Variants in PTPRD observed in about 807,000 individuals in gnomAD.
PTPRD encodes receptor-type tyrosine-protein phosphatase delta.
In PTPRD, 34 loss-of-function variants were observed where a neutral mutation model predicts 214.5. That is an observed-to-expected ratio of 0.16 (90% confidence interval 0.12 to 0.21). The LOEUF is 0.21. Ranked by LOEUF, PTPRD falls within the 10% of genes least tolerant of loss-of-function variation. The pLI is 1.00. For missense variants in PTPRD, 2,545 were observed against 2,398.7 expected, an observed-to-expected ratio of 1.06 and a Z score of -1.27; for synonymous variants, 1,128 against 845.7, an observed-to-expected ratio of 1.33 and a Z score of -5.79.
chr9:8,852,102 TAC>T (rs1243958380), intron 11 of PTPRD, among the ~76,000 whole-genome samples: 8 of 152,136 alleles, frequency 5.3e-5, no homozygotes, highest in African/African-American at 1.9e-4. Context: ...ATCCAATCAT[TAC>T]AGAGGATCAC....
At chr9:9,886,309 A>T (rs1443439725) in intron 5 of PTPRD, among the ~76,000 whole-genome samples, 4 of 152,110 alleles carry the variant, frequency 2.6e-5, no homozygotes, top group African/African-American at 9.7e-5. Context: ...TGGTTATCTC[A>T]TATTTCTTTA....
intron 5 of PTPRD, among the ~76,000 whole-genome samples, chr9:9,809,381 C>T (rs1598429762): frequency 6.6e-6 from 1 of 151,582 alleles, no homozygotes; most frequent in African/African-American, 2.4e-5. Flanking sequence ...CATTCTCCCA[C>T]CTCAGCCTCC....
At chr9:9,607,280 T>C (rs186222177) in intron 7 of PTPRD, among the ~76,000 whole-genome samples, 1 of 152,248 alleles carries the variant, frequency 6.6e-6, no homozygotes, top group African/African-American at 2.4e-5. Flanking sequence ...GCCATTTCTG[T>C]TTTTACTAAT....
intron 11 of PTPRD, among the ~76,000 whole-genome samples, chr9:8,923,785 T>C (rs1290292212): frequency 1.3e-5 from 2 of 152,202 alleles, no homozygotes; most frequent in Non-Finnish European, 1.5e-5. Flanking sequence ...CCAGGACATG[T>C]GGCTCTACGT....
intron 4 of PTPRD, among the ~76,000 whole-genome samples, chr9:10,031,740 C>G (rs2097082730): frequency 6.7e-6 from 1 of 150,008 alleles, no homozygotes; most frequent in African/African-American, 2.5e-5. Flanking sequence ...CAGAGTTGTG[C>G]CAGCAGAGCC....
chr9:9,651,007 A>C (rs1431853153), intron 7 of PTPRD, among the ~76,000 whole-genome samples: 1 of 152,060 alleles, frequency 6.6e-6, no homozygotes, highest in East Asian at 1.9e-4. Flanking sequence ...TTATCTTCGC[A>C]AAAAGACTAT....
intron 5 of PTPRD, among the ~76,000 whole-genome samples, chr9:9,915,991 G>C (rs754774640): frequency 2.0e-5 from 3 of 151,572 alleles, no homozygotes; most frequent in Non-Finnish European, 4.4e-5. Context: ...TAACATATAA[G>C]GGAATTTCCA....
intron 2 of PTPRD, among the ~76,000 whole-genome samples, chr9:10,453,613 T>C (rs2098870420): frequency 6.6e-6 from 1 of 151,726 alleles, no homozygotes; most frequent in Admixed American, 6.6e-5. Flanking sequence ...TCATTGTTAG[T>C]GTATTGAAAT....
intron 10 of PTPRD, among the ~76,000 whole-genome samples, chr9:9,148,864 C>G (rs1339699000): frequency 6.6e-6 from 1 of 151,890 alleles, no homozygotes; most frequent in African/African-American, 2.4e-5. Context: ...GTAATAAAAA[C>G]AAGAAAATGA....
chr9:9,271,667 A>G (rs1053199734), intron 9 of PTPRD, among the ~76,000 whole-genome samples: 1 of 151,482 alleles, frequency 6.6e-6, no homozygotes, highest in East Asian at 2.0e-4. Context: ...GCAAAAATGT[A>G]TTGGTTAAAT....
At chr9:8,735,114 A>G (rs2089867864) in intron 11 of PTPRD, among the ~76,000 whole-genome samples, 1 of 151,254 alleles carries the variant, frequency 6.6e-6, no homozygotes, top group African/African-American at 2.4e-5. Context: ...GGGATCCAAT[A>G]ATTCAATAAT....
intron 14 of PTPRD, among the ~76,000 whole-genome samples, chr9:8,555,658 GT>G (rs1286826767): frequency 6.6e-6 from 1 of 152,172 alleles, no homozygotes; most frequent in Non-Finnish European, 1.5e-5. Context: ...ATGGGATCTG[GT>G]TTTTATTTTA....
chr9:8,711,904 T>C (rs971967811), intron 12 of PTPRD, among the ~76,000 whole-genome samples: 1 of 152,204 alleles, frequency 6.6e-6, no homozygotes, highest in Non-Finnish European at 1.5e-5. Flanking sequence ...TGCAACAACA[T>C]GGATGAATCT....
At chr9:9,757,726 A>G (rs1279216666) in intron 6 of PTPRD, among the ~76,000 whole-genome samples, 2 of 152,002 alleles carry the variant, frequency 1.3e-5, no homozygotes, top group African/African-American at 2.4e-5. Context: ...AGTTTCTCAT[A>G]TAAATATAAG....
intron 39 of PTPRD, among the ~76,000 whole-genome samples, chr9:8,348,797 C>T (rs1168240294): frequency 6.6e-6 from 1 of 152,178 alleles, no homozygotes; most frequent in Non-Finnish European, 1.5e-5. Context: ...ATGTACTTTC[C>T]TTCAAGATTC....
At chr9:9,889,949 T>C (rs2072645306) in intron 5 of PTPRD, among the ~76,000 whole-genome samples, 1 of 151,970 alleles carries the variant, frequency 6.6e-6, no homozygotes, top group Non-Finnish European at 1.5e-5. Flanking sequence ...GAGGGTGAAT[T>C]ATCAGCAATC....
At chr9:8,505,360 C>A (rs1304736162) in intron 22 of PTPRD, among the ~76,000 whole-genome samples, 1 of 152,084 alleles carries the variant, frequency 6.6e-6, no homozygotes, top group South Asian at 2.1e-4. Context: ...CGGTGGCTCA[C>A]GCCTGTAATC....
chr9:9,770,381 G>A (rs778437788), intron 5 of PTPRD, among the ~76,000 whole-genome samples: 1 of 152,056 alleles, frequency 6.6e-6, no homozygotes, highest in Non-Finnish European at 1.5e-5. Flanking sequence ...AAATACGGTG[G>A]TTTAATCTTA....
In PTPRD at chr9:9,568,986, A is replaced by G. The variant is rs538341678; in HGVS notation, c.-237+5746T>C. 2.0e-5 allele frequency among the ~76,000 whole-genome samples: 3 copies of G among 151,952 alleles called. No individual in the cohort carries two copies. In the East Asian group the frequency reaches 5.8e-4, roughly 29 times the overall value. On this transcript the variant is annotated intron_variant, in intron 8 of 45. Coordinates refer to ENST00000381196, the MANE Select transcript of PTPRD (RefSeq NM_002839.4). ...GGGTATCTACAATAAGGAGTTGTGA[A>G]TAAAAGAGAGAAAAAGGCAAAGACA... is the stretch of plus-strand genomic sequence containing the variant.
Sources: allele counts gnomAD v4.1 joint callset (sites outside exome capture counted in the v4.1 genomes callset), GRCh38; gene constraint gnomAD v4.1.1; transcripts MANE v1.5; gene names NCBI Gene and HGNC (gene_info 2026-07-23, HGNC 2026-07-21).